The following UTP4 variants were observed in gnomAD, a reference collection of about 807,000 sequenced individuals.
UTP4 encodes the protein U3 small nucleolar RNA-associated protein 4 homolog.
A neutral mutation model predicts 82.4 loss-of-function variants in UTP4; 45 were observed. The observed-to-expected ratio is 0.55, with a 90% CI of 0.43 to 0.70. The LOEUF is 0.70. Ranked by LOEUF, UTP4 falls within the 30% of genes least tolerant of loss-of-function variation. UTP4 has a pLI of 0.00. For synonymous variants in UTP4, 348 were observed against 300.3 expected (o/e 1.16, Z -1.64); for missense variants, 819 against 858.3 (o/e 0.95, Z 0.57).
In UTP4 at chr16:69,157,098, A is replaced by G. The variant is rs112302105; in HGVS notation, c.1302A>G (p.Pro434=). The G allele has an allele frequency of 1.2e-5, 19 of 1,614,222 alleles. No individual in the cohort carries two copies. Among genetic ancestry groups the G allele is most frequent in the Non-Finnish European group, 1.6e-5 (19 of 1,180,042 alleles). The stretch of plus-strand genomic sequence containing the variant: ...TTCACCCAAAGGTTTCCAAAATGCC[A>G]GCATTCCTTCGCTCTGCCCTTCAGA... ...NISLKRVSKM[P]AFLRSALQIL... The change falls in exon 12 of 17, where the codon CCA becomes CCG. Residue 434 remains proline, a synonymous_variant. Coordinates refer to ENST00000314423, the MANE Select transcript of UTP4 (RefSeq NM_032830.3).
intron 3 of UTP4, among the ~76,000 whole-genome samples, 196 bp downstream of exon 3, chr16:69,137,083 T>A (rs1438464761): frequency 1.3e-5 from 2 of 152,246 alleles, no homozygotes; most frequent in Non-Finnish European, 2.9e-5. Context: ...TTGATTCATT[T>A]ATGAAATGAG....
At chr16:69,163,664 T>C (rs1249838439) in intron 14 of UTP4, among the ~76,000 whole-genome samples, 1 of 149,116 alleles carries the variant, frequency 6.7e-6, no homozygotes, top group African/African-American at 2.5e-5. Flanking sequence ...GTAAGGAGAT[T>C]GTGATTATAA....
At chr16:69,166,960 C>T (rs1963716791) in intron 15 of UTP4, 115 bp from the exon 16 acceptor site, 3 of 752,798 alleles carry the variant, frequency 4.0e-6, no homozygotes, top group African/African-American at 1.7e-5. Flanking sequence ...CAGGGAGGTA[C>T]TGAATATATA....
intron 6 of UTP4, among the ~76,000 whole-genome samples, chr16:69,149,490 G>A (rs1440584186): frequency 6.6e-6 from 1 of 152,158 alleles, no homozygotes; most frequent in East Asian, 1.9e-4. Context: ...GGCAGAGGTT[G>A]CAGTGAGCCG....
At chr16:69,166,936 G>A (rs184253758) in intron 15 of UTP4, 139 bp from the exon 16 acceptor site, 287 of 663,800 alleles carry the variant, frequency 4.3e-4, no homozygotes, top group Admixed American at 1.0e-3. Flanking sequence ...CTGTTTTCCC[G>A]AATTAACGAA....
intron 1 of UTP4, chr16:69,133,124 T>A (rs1210887347): frequency 5.8e-6 from 2 of 344,398 alleles, no homozygotes; most frequent in Admixed American, 8.7e-5. Context: ...ACTACCTCAG[T>A]TTAGGTCTGT....
At chr16:69,141,609 A>G (rs1962960178) in intron 5 of UTP4, among the ~76,000 whole-genome samples, 1 of 151,860 alleles carries the variant, frequency 6.6e-6, no homozygotes, top group African/African-American at 2.4e-5. Flanking sequence ...CTAATCCAAT[A>G]CCCACGTCCT....
At chr16:69,161,156 A>G (rs1242714897) in intron 13 of UTP4, among the ~76,000 whole-genome samples, 2 of 152,214 alleles carry the variant, frequency 1.3e-5, no homozygotes, top group Non-Finnish European at 2.9e-5. Context: ...CTTGCCTTGT[A>G]ATCTCAAGGT....
intron 5 of UTP4, among the ~76,000 whole-genome samples, chr16:69,141,043 GTCTCTGTC>G: frequency 6.6e-6 from 1 of 152,146 alleles, no homozygotes; most frequent in South Asian, 2.1e-4. Context: ...GTTTAATAGT[GTCTCTGTC>G]TCTCTGTCTT....
intron 6 of UTP4, among the ~76,000 whole-genome samples, chr16:69,147,168 C>T (rs934784336): frequency 7.1e-6 from 1 of 141,828 alleles, no homozygotes; most frequent in Non-Finnish European, 1.5e-5. Context: ...CAGAGTGCAA[C>T]TCCAGCTCAA....
chr16:69,146,725 G>A (rs866443013), intron 6 of UTP4, among the ~76,000 whole-genome samples: 4 of 152,008 alleles, frequency 2.6e-5, no homozygotes, highest in Non-Finnish European at 5.9e-5. Flanking sequence ...AGCCGGGCGC[G>A]GTGGCTCACG....
intron 12 of UTP4, 28 bp downstream of exon 12, chr16:69,157,268 A>T (rs1016868412): frequency 6.2e-7 from 1 of 1,612,278 alleles, no homozygotes; most frequent in African/African-American, 1.3e-5. Context: ...GGCCATGGGG[A>T]GACTTGTCGT....
intron 12 of UTP4, 111 bp downstream of exon 12, chr16:69,157,351 T>C (rs374586129): frequency 8.8e-6 from 9 of 1,020,062 alleles, no homozygotes; most frequent in East Asian, 5.2e-5. Flanking sequence ...ACCCTGCAGA[T>C]ACACTCACTC....
At chr16:69,147,504 CCAAA>C (rs997840278) in intron 6 of UTP4, among the ~76,000 whole-genome samples, 12 of 152,106 alleles carry the variant, frequency 7.9e-5, no homozygotes, top group Admixed American at 3.3e-4. Flanking sequence ...GACTCTGTCT[CCAAA>C]CAAACAAACA....
intron 15 of UTP4, chr16:69,166,788 G>C (rs1427258890): frequency 2.4e-6 from 1 of 417,784 alleles, no homozygotes; most frequent in East Asian, 4.9e-5. Flanking sequence ...GCTGCATGGA[G>C]TTAACAAGCT....
chr16:69,160,597 T>TG, intron 13 of UTP4, 135 bp downstream of exon 13: 1 of 677,618 alleles, frequency 1.5e-6, no homozygotes, highest in African/African-American at 1.9e-5. Flanking sequence ...TCTTTTCTTT[T>TG]CTTTTTTTTT....
intron 5 of UTP4, among the ~76,000 whole-genome samples, chr16:69,141,273 A>G (rs541195240): frequency 3.9e-5 from 6 of 152,218 alleles, no homozygotes; most frequent in South Asian, 2.1e-4. Context: ...TTGCTTCTCT[A>G]TCGGATAGGA....
In UTP4 at chr16:69,160,369, C is replaced by T. The variant is rs150828561; in HGVS notation, c.1458C>T (p.Ala486=). Reference sequence around the variant, plus strand: ...TTGTCCTCACAGGAACAGTGGAGGCCATGTGTCTTTTGGCAGTCAGTCCAG... The same window carrying T: ...TTGTCCTCACAGGAACAGTGGAGGCTATGTGTCTTTTGGCAGTCAGTCCAG... ...AFQPQSGTVE[A]MCLLAVSPDG... Residue 486 remains alanine, a synonymous_variant, in exon 13 of 17, where the codon GCC becomes GCT. Coordinates refer to ENST00000314423, the MANE Select transcript of UTP4 (RefSeq NM_032830.3). The T allele has an allele frequency of 4.4e-5, 71 of 1,613,880 alleles. No individual in the cohort carries two copies. In the African/African-American group the frequency reaches 8.1e-4, roughly 18 times the overall value.
rs1229003170 is a variant in UTP4, at chr16:69,137,801, G to A, written c.352G>A (p.Val118Ile). The A allele has an allele frequency of 4.4e-6, 7 of 1,596,906 alleles. No individual in the cohort carries two copies. The highest frequency in any genetic ancestry group is 5.2e-6 in the Non-Finnish European group (6 of 1,164,582). The change falls in exon 4 of 17, where the codon GTT becomes ATT. Residue 118 changes from valine (V) to isoleucine (I), a missense_variant and splice_region_variant. Coordinates refer to ENST00000314423, the MANE Select transcript of UTP4 (RefSeq NM_032830.3). ...TGTTTACTACCTCTTTCTCAAATAGGTTGGTTGTGAAGATGGATCTGTGAA... is the reference window on the plus strand; with the variant it reads ...TGTTTACTACCTCTTTCTCAAATAGATTGGTTGTGAAGATGGATCTGTGAA... ...AASPSGSQLL[V>I]GCEDGSVKLF...
Sources: gnomAD v4.1 joint callset for allele counts (sites outside exome capture counted in the v4.1 genomes callset) on GRCh38, gnomAD v4.1.1 for gene constraint, MANE v1.5 for transcripts, NCBI Gene and HGNC (gene_info 2026-07-23, HGNC 2026-07-21) for gene names.